Variants in CRB1 observed in about 807,000 individuals in gnomAD.
CRB1 encodes protein crumbs homolog 1.
CRB1 carries 83 observed loss-of-function variants against 120.0 expected under a neutral mutation model. That is an observed-to-expected ratio of 0.69 (90% confidence interval 0.58 to 0.83). CRB1 has a LOEUF of 0.83. Ranked by LOEUF, CRB1 falls within the 40% of genes least tolerant of loss-of-function variation. CRB1 has a pLI of 0.00. For synonymous variants in CRB1, 625 were observed against 612.5 expected (o/e 1.02, Z -0.30); for missense variants, 1,699 against 1,687.6 (o/e 1.01, Z -0.12).
the CRB1 span, among the ~76,000 whole-genome samples, chr1:197,253,917 G>T: frequency 1.4e-4 from 21 of 152,128 alleles, 1 homozygote; most frequent in East Asian, 3.9e-3. Context: ...TATTTTGAGA[G>T]GTTTGTGTTT....
the CRB1 span, among the ~76,000 whole-genome samples, chr1:197,226,441 T>A: frequency 6.6e-6 from 1 of 152,202 alleles, no homozygotes; most frequent in East Asian, 1.9e-4. Context: ...ATACTTTAGT[T>A]TTTGCAGATT....
chr1:197,424,754 G>A (rs560539573), intron 6 of CRB1, among the ~76,000 whole-genome samples: 17 of 152,260 alleles, frequency 1.1e-4, no homozygotes, highest in African/African-American at 3.6e-4. Context: ...CATTTAGATC[G>A]AAGTGGCTCT....
intron 11 of CRB1, among the ~76,000 whole-genome samples, chr1:197,457,851 T>C (rs150215378): frequency 0.023 from 3,503 of 152,266 alleles, 54 homozygotes; most frequent in Non-Finnish European, 0.033. Flanking sequence ...AGTTTTTCAC[T>C]GGAGAAATTA....
intron 11 of CRB1, among the ~76,000 whole-genome samples, chr1:197,475,840 C>T (rs1043706259): frequency 1.6e-4 from 25 of 152,204 alleles, no homozygotes; most frequent in African/African-American, 4.6e-4. Flanking sequence ...CATACACATT[C>T]GGTCACACTG....
chr1:197,252,729 A>T, the CRB1 span, among the ~76,000 whole-genome samples: 1 of 150,464 alleles, frequency 6.6e-6, no homozygotes, highest in Admixed American at 6.7e-5. Flanking sequence ...TGAACTGCAT[A>T]CTACAAGCTG....
At chr1:197,389,695 T>C (rs776304200) in intron 5 of CRB1, among the ~76,000 whole-genome samples, 4 of 148,546 alleles carry the variant, frequency 2.7e-5, no homozygotes, top group Non-Finnish European at 6.0e-5. Context: ...TTTTATGTTA[T>C]GTATATTTTA....
chr1:197,256,544 T>C, the CRB1 span, among the ~76,000 whole-genome samples: 1 of 152,128 alleles, frequency 6.6e-6, no homozygotes, highest in Non-Finnish European at 1.5e-5. Context: ...TTAATATGTG[T>C]AAATCTGTAT....
intron 2 of CRB1, among the ~76,000 whole-genome samples, chr1:197,342,896 C>T (rs1409461859): frequency 6.6e-6 from 1 of 152,182 alleles, no homozygotes; most frequent in Non-Finnish European, 1.5e-5. Flanking sequence ...TCTTTCCACT[C>T]TTCCATGACC....
the CRB1 span, among the ~76,000 whole-genome samples, chr1:197,256,433 A>G: frequency 6.6e-6 from 1 of 152,018 alleles, no homozygotes; most frequent in Non-Finnish European, 1.5e-5. Flanking sequence ...CATTATGTCA[A>G]TTTATATATG....
intron 5 of CRB1, among the ~76,000 whole-genome samples, chr1:197,375,086 G>C (rs779071172): frequency 9.2e-5 from 14 of 152,108 alleles, no homozygotes; most frequent in Non-Finnish European, 1.6e-4. Context: ...TTTTCTTCCA[G>C]AAAGACATGT....
At chr1:197,439,257 T>C (rs1416201095) in intron 10 of CRB1, 2 of 159,558 alleles carry the variant, frequency 1.3e-5, no homozygotes, top group Non-Finnish European at 2.8e-5. Context: ...TAATGCATAC[T>C]GAATAGCTTT....
At position 197,435,410 on chromosome 1, in the gene CRB1, T is replaced by C; in HGVS notation, c.3547T>C (p.Ser1183Pro). 1.9e-6 allele frequency: 3 copies of C among 1,604,358 alleles called. No homozygotes were observed. The highest frequency in any genetic ancestry group is 2.6e-6 in the Non-Finnish European group (3 of 1,174,724). Reference sequence around the variant, plus strand: ...TGAACTCAACATCGATGAATGCTTTTCAAACCCCTGTATCCATGGCAACTG... The same window carrying C: ...TGAACTCAACATCGATGAATGCTTTCCAAACCCCTGTATCCATGGCAACTG... Reference protein sequence around the residue: ...HCELNIDECFSNPCIHGNCSD... With the variant: ...HCELNIDECFPNPCIHGNCSD... Residue 1183 changes from serine (S) to proline (P), a missense_variant, in exon 9 of 12, where the codon TCA becomes CCA. Transcript: ENST00000367400.
chr1:197,469,192 C>T (rs545150561), intron 11 of CRB1, among the ~76,000 whole-genome samples: 1 of 152,170 alleles, frequency 6.6e-6, no homozygotes, highest in South Asian at 2.1e-4. Context: ...TGCACTCCAG[C>T]CTGAGCGACA....
the CRB1 span, among the ~76,000 whole-genome samples, chr1:197,219,305 A>T: frequency 6.6e-6 from 1 of 152,246 alleles, no homozygotes; most frequent in African/African-American, 2.4e-5. Context: ...TAGTCTAGCA[A>T]CACTTTTAAT....
intron 1 of CRB1, among the ~76,000 whole-genome samples, chr1:197,314,295 A>G (rs529842923): frequency 1.3e-5 from 2 of 152,124 alleles, no homozygotes; most frequent in Admixed American, 1.3e-4. Context: ...TCTGGTTCCA[A>G]TGTACTGTTC....
intron 1 of CRB1, among the ~76,000 whole-genome samples, chr1:197,322,628 T>G (rs947712937): frequency 1.1e-4 from 16 of 152,186 alleles, no homozygotes; most frequent in Non-Finnish European, 2.1e-4. Context: ...CACATTATAC[T>G]TCCATTAGAC....
chr1:197,343,057 T>C (rs1659561748), intron 2 of CRB1, among the ~76,000 whole-genome samples: 1 of 152,208 alleles, frequency 6.6e-6, no homozygotes, highest in Non-Finnish European at 1.5e-5. Flanking sequence ...GTTTTTTATT[T>C]TTTAAAAAAC....
At chr1:197,430,102 A>G (rs1259402961) in intron 8 of CRB1, among the ~76,000 whole-genome samples, 6 of 152,196 alleles carry the variant, frequency 3.9e-5, no homozygotes, top group African/African-American at 1.2e-4. Context: ...TTAGGCACTC[A>G]ATTAATGATA....
rs2125472182 is a variant in CRB1, at chr1:197,421,952, G to A, written c.2124G>A (p.Leu708=). The change falls in exon 6 of 12, where the codon CTG becomes CTA. Residue 708 remains leucine (L), a synonymous_variant. Transcript: ENST00000367400. ...GGCCCTATGAAGGCCCCAACTGTCT[G>A]AGAGGTGAGAGAAAGCTGAGTGCTA... The part of the protein sequence containing the change: ...CHRPYEGPNC[L]REYVAGRFGQ... 6.2e-7 allele frequency: 1 copy of A among 1,613,578 alleles called. No homozygotes were observed. The highest frequency in any genetic ancestry group is 8.5e-7 in the Non-Finnish European group (1 of 1,180,002).
Sources: allele counts gnomAD v4.1 joint callset (sites outside exome capture counted in the v4.1 genomes callset), GRCh38; gene constraint gnomAD v4.1.1; transcripts MANE v1.5; gene names NCBI Gene and HGNC (gene_info 2026-07-23, HGNC 2026-07-21).